Variants in REV3L observed in about 807,000 individuals in gnomAD.
REV3L encodes DNA polymerase zeta catalytic subunit.
REV3L carries 69 observed loss-of-function variants against 299.4 expected under a neutral mutation model. The observed-to-expected ratio is 0.23, with a 90% CI of 0.19 to 0.28. The LOEUF (loss-of-function observed/expected upper bound fraction) is 0.28. REV3L is among the 10% of genes least tolerant of loss of function. REV3L has a pLI of 1.00. For synonymous variants in REV3L, 1,238 were observed against 1,271.4 expected (o/e 0.97, Z 0.56); for missense variants, 3,128 against 3,693.8 (o/e 0.85, Z 3.97).
At chr6:111,343,240 A>G (rs138629081) in intron 21 of REV3L, among the ~76,000 whole-genome samples, 2 of 152,356 alleles carry the variant, frequency 1.3e-5, no homozygotes, top group East Asian at 3.9e-4. Flanking sequence ...TAATAATAAG[A>G]ATGAACAAAC....
rs976378404 is a variant in REV3L, at chr6:111,331,106, T to C, written c.8034+570A>G. 17 of 684,976 alleles carry C rather than the reference T, an allele frequency of 2.5e-5. No homozygotes were observed. In the African/African-American group the frequency reaches 2.7e-4, roughly 11 times the overall value. The allele number at this position is 684,976 out of a possible 1,614,324, so 42.4% of individuals were successfully genotyped here. A position where few individuals can be genotyped will look rare whatever the true frequency, so the allele number is the denominator to read the frequency against. On this transcript the variant is annotated intron_variant, in intron 24 of 31. Coordinates refer to ENST00000368802, the MANE Select transcript of REV3L (RefSeq NM_001372078.1). ...TAAAGTTGGCATTTAAGAGGCAATA[T>C]AATCTTCTTTTAAGATGTCTCTTAT... is the stretch of plus-strand genomic sequence containing the variant.
intron 21 of REV3L, among the ~76,000 whole-genome samples, chr6:111,340,584 G>A (rs920522216): frequency 5.3e-5 from 8 of 151,956 alleles, no homozygotes; most frequent in Non-Finnish European, 8.8e-5. Flanking sequence ...ATTCTAAGTC[G>A]ATTTACAATA....
intron 6 of REV3L, among the ~76,000 whole-genome samples, chr6:111,389,839 T>G (rs1198967470): frequency 6.8e-6 from 1 of 146,632 alleles, no homozygotes; most frequent in Admixed American, 7.1e-5. Context: ...CAGGCTCAAG[T>G]GATTCCCCTG....
At chr6:111,435,926 C>T (rs759364377) in intron 1 of REV3L, among the ~76,000 whole-genome samples, 20 of 152,070 alleles carry the variant, frequency 1.3e-4, no homozygotes, top group African/African-American at 3.1e-4. Flanking sequence ...GGATTAACAA[C>T]CAAAATATAT....
intron 1 of REV3L, among the ~76,000 whole-genome samples, chr6:111,473,008 A>G (rs1336065499): frequency 1.3e-5 from 2 of 152,204 alleles, no homozygotes; most frequent in Admixed American, 6.5e-5. Context: ...AATTTCACCC[A>G]AAGTTTACTG....
At chr6:111,449,083 G>C (rs531228016) in intron 1 of REV3L, among the ~76,000 whole-genome samples, 1 of 152,244 alleles carries the variant, frequency 6.6e-6, no homozygotes, top group African/African-American at 2.4e-5. Context: ...CTTTAAAAAC[G>C]AGTAGGCAGG....
chr6:111,370,857 T>C (rs1325472778), intron 13 of REV3L, among the ~76,000 whole-genome samples: 1 of 152,212 alleles, frequency 6.6e-6, no homozygotes, highest in Non-Finnish European at 1.5e-5. Flanking sequence ...TCGATGAACC[T>C]ATGTTGACAC....
chr6:111,310,189 AAC>A (rs1370713871), intron 29 of REV3L, 90 bp from the exon 30 acceptor site: 4 of 1,398,516 alleles, frequency 2.9e-6, no homozygotes, highest in African/African-American at 1.4e-5. Context: ...ACAATAATAA[AAC>A]AATGAAAAAA....
intron 2 of REV3L, among the ~76,000 whole-genome samples, chr6:111,415,823 G>A (rs1235151324): frequency 1.3e-5 from 2 of 152,006 alleles, no homozygotes; most frequent in Non-Finnish European, 2.9e-5. Flanking sequence ...TATCCTGCTT[G>A]TATAGATTCT....
chr6:111,475,165 T>C lies in REV3L; in HGVS notation c.139+7585A>G, dbSNP rs1029783766. On this transcript the variant is annotated intron_variant, in intron 1 of 31. Coordinates refer to ENST00000368802, the MANE Select transcript of REV3L (RefSeq NM_001372078.1). ...GCTTTTTTTCCTCATATCTTTGACATAGCACCACAGCAGTACACATAGTAT... is the reference window on the plus strand; with the variant it reads ...GCTTTTTTTCCTCATATCTTTGACACAGCACCACAGCAGTACACATAGTAT... Among the ~76,000 whole-genome samples, 11 of 152,118 alleles carry C rather than the reference T, an allele frequency of 7.2e-5. 1 individual carries two copies. The highest frequency in any genetic ancestry group is 2.6e-4 in the Admixed American group (4 of 15,266).
rs1177831983 is a variant in REV3L, at chr6:111,349,299, A to C, written c.7338T>G (p.Asp2446Glu). Residue 2446 changes from aspartate to glutamate, a missense_variant, in exon 20 of 32, where the codon GAT (aspartate) becomes GAG (glutamate). Physicochemically the swap from Asp to Glu is conservative, Grantham distance 45. Coordinates refer to ENST00000368802, the MANE Select transcript of REV3L (RefSeq NM_001372078.1). ...KIENRFAAER[D>E]EYGSYTMSEI... is the part of the protein sequence containing the mutation. ...CACTCATTGTATATGATCCATACTC[A>C]TCTCTTTCAGCTGCAAATCTGTTCT... The C allele has an allele frequency of 3.7e-6, 6 of 1,603,384 alleles. No individual in the cohort carries two copies. The highest frequency in any genetic ancestry group is 5.1e-6 in the Non-Finnish European group (6 of 1,173,240).
rs1375168137 is a variant in REV3L at position 111,372,668 on chromosome 6, T to G, written c.5687A>C (p.Asp1896Ala). ...GTAAATAGTCTCAGACAGGTCATGA[T>G]CCAACAAAGTTGCCATAATTTCTTC... ...SREEIMATLL[D>A]HDLSETIYQE... Residue 1896 changes from aspartate (D) to alanine (A), a missense_variant, in exon 13 of 32, where the codon GAT (aspartate) becomes GCT (alanine). Physicochemically the swap from Asp to Ala is moderately radical, Grantham distance 126 (BLOSUM62 -2). This residue lies in a region of REV3L where 2,409 missense variants were observed against 2,611.8 expected (regional missense o/e 0.92). Transcript: ENST00000368802. The G allele has an allele frequency of 3.2e-6, 5 of 1,576,420 alleles. No homozygotes were observed. Among genetic ancestry groups the G allele is most frequent in the Admixed American group, 1.8e-5 (1 of 55,708 alleles).
intron 22 of REV3L, among the ~76,000 whole-genome samples, chr6:111,333,707 C>G (rs1300436930): frequency 1.3e-5 from 2 of 152,046 alleles, no homozygotes; most frequent in African/African-American, 2.4e-5. Context: ...AACTCCTGAC[C>G]TCAGGTGATC....
chr6:111,382,856 G>A (rs370033084), intron 9 of REV3L, among the ~76,000 whole-genome samples: 22 of 152,214 alleles, frequency 1.4e-4, no homozygotes, highest in African/African-American at 5.1e-4. Flanking sequence ...CATTCCACAA[G>A]AGGACAGGAG....
At chr6:111,483,372 C>T (rs1004773411), upstream of REV3L, 2 of 477,024 alleles carry the variant, frequency 4.2e-6, no homozygotes, top group East Asian at 3.7e-5. Flanking sequence ...GCTTTCTCCC[C>T]CTCCCCGGGC....
intron 1 of REV3L, among the ~76,000 whole-genome samples, chr6:111,436,439 A>C (rs79218588): frequency 0.023 from 3,519 of 152,354 alleles, 57 homozygotes; most frequent in Admixed American, 0.065. Context: ...ATGGAATGTT[A>C]TTCAGCCATA....
chr6:111,365,661 C>T (rs958451937), intron 14 of REV3L, among the ~76,000 whole-genome samples: 1 of 152,116 alleles, frequency 6.6e-6, no homozygotes, highest in African/African-American at 2.4e-5. Flanking sequence ...GACATAATCT[C>T]TGCCCTTGTG....
chr6:111,383,410 G>A (rs934804374), intron 9 of REV3L, among the ~76,000 whole-genome samples: 1 of 152,090 alleles, frequency 6.6e-6, no homozygotes, highest in Admixed American at 6.5e-5. Context: ...CAAATTCAGC[G>A]AAGTTGCAGG....
At chr6:111,434,390 G>A (rs546202732) in intron 1 of REV3L, among the ~76,000 whole-genome samples, 19 of 151,982 alleles carry the variant, frequency 1.3e-4, no homozygotes, top group South Asian at 8.3e-4. Context: ...CGAAGTGGGC[G>A]CATCACCAGG....
Sources: allele counts gnomAD v4.1 joint callset (sites outside exome capture counted in the v4.1 genomes callset), GRCh38; gene constraint gnomAD v4.1.1; regional missense constraint gnomAD v4.1.1; transcripts MANE v1.5; gene names NCBI Gene and HGNC (gene_info 2026-07-23, HGNC 2026-07-21).